FGF13: variants seen among roughly 807,000 people sequenced by gnomAD.
FGF13 encodes fibroblast growth factor 13, also known as fibroblast growth factor homologous factor 2.
A neutral mutation model predicts 19.5 loss-of-function variants in FGF13; 2 were observed. That is an observed-to-expected ratio of 0.10 (90% CI 0.04 to 0.32). The LOEUF (loss-of-function observed/expected upper bound fraction) is 0.32. Ranked by LOEUF, FGF13 falls within the 10% of genes least tolerant of loss-of-function variation. FGF13 has a pLI of 1.00. For synonymous variants in FGF13, 72 were observed against 76.9 expected, an observed-to-expected ratio of 0.94 and a Z score of 0.33; for missense variants, 113 against 192.7, an observed-to-expected ratio of 0.59 and a Z score of 2.45.
intron 1 of FGF13, among the ~76,000 whole-genome samples, chrX:139,192,311 A>G (rs776501799): frequency 9.0e-6 from 1 of 111,621 alleles, no homozygotes; most frequent in South Asian, 3.8e-4. Flanking sequence ...GAGCCTGCTC[A>G]CCAGAAAAAT....
chrX:139,035,136 A>G (rs1364967432), intron 1 of FGF13, among the ~76,000 whole-genome samples: 1 of 111,400 alleles, frequency 9.0e-6, no homozygotes, highest in Non-Finnish European at 1.9e-5. Flanking sequence ...ATATAATGAA[A>G]AATTGATTTA....
intron 1 of FGF13, among the ~76,000 whole-genome samples, chrX:138,895,712 A>G (rs1275657126): frequency 1.8e-5 from 2 of 112,330 alleles, no homozygotes; most frequent in African/African-American, 6.5e-5. Flanking sequence ...TCCCAAGTTC[A>G]TTGCAGTTTT....
chrX:138,851,341 T>C (rs2091220230), intron 3 of FGF13, among the ~76,000 whole-genome samples: 1 of 111,906 alleles, frequency 8.9e-6, no homozygotes, highest in African/African-American at 3.2e-5. Context: ...GTTGAACTAA[T>C]TTACATTCCC....
chrX:138,895,557 G>A (rs905348695), intron 1 of FGF13, among the ~76,000 whole-genome samples: 2 of 111,904 alleles, frequency 1.8e-5, no homozygotes, highest in African/African-American at 6.5e-5. Flanking sequence ...CAGTGTTAGT[G>A]GGAATGTACA....
chrX:138,780,227 C>T (rs1416815892), intron 3 of FGF13, among the ~76,000 whole-genome samples: 1 of 109,624 alleles, frequency 9.1e-6, no homozygotes, highest in Non-Finnish European at 1.9e-5. Flanking sequence ...AATGAAACGA[C>T]CATCGAGACT....
chrX:138,878,871 T>C (rs916729479), intron 1 of FGF13, among the ~76,000 whole-genome samples: 12 of 112,122 alleles, frequency 1.1e-4, no homozygotes, highest in Admixed American at 9.5e-4. Flanking sequence ...TATCTCATTG[T>C]GGTTTTTATT....
chrX:138,707,170 G>T (rs1388532329), intron 2 of FGF13, among the ~76,000 whole-genome samples: 1 of 110,927 alleles, frequency 9.0e-6, no homozygotes, highest in African/African-American at 3.3e-5. Context: ...TGCGTGTGTG[G>T]TGTGTGTGTG....
At chrX:138,832,341 A>G (rs1360149270) in intron 3 of FGF13, among the ~76,000 whole-genome samples, 2 of 111,856 alleles carry the variant, frequency 1.8e-5, no homozygotes, top group African/African-American at 3.2e-5. Flanking sequence ...TGACTTTTTA[A>G]TAATAGCCAT....
intron 1 of FGF13, chrX:138,864,709 GTCT>G (rs2091307895): frequency 8.9e-6 from 1 of 112,618 alleles, no homozygotes; most frequent in South Asian, 3.7e-4. Flanking sequence ...GAAAAGCAGA[GTCT>G]TCTTCCAGAA....
At chrX:138,996,747 C>T (rs1368261940) in intron 1 of FGF13, among the ~76,000 whole-genome samples, 1 of 112,067 alleles carries the variant, frequency 8.9e-6, no homozygotes, top group East Asian at 2.8e-4. Context: ...CCGCTGTGGG[C>T]GCAGCTTCAG....
At chrX:138,808,476 G>A (rs1389103174) in intron 3 of FGF13, among the ~76,000 whole-genome samples, 3 of 111,581 alleles carry the variant, frequency 2.7e-5, no homozygotes, top group South Asian at 7.5e-4. Context: ...CTAAATGCCC[G>A]CATAAGAAAG....
chrX:139,114,236 G>A (rs1232856305), intron 1 of FGF13, among the ~76,000 whole-genome samples: 4 of 112,032 alleles, frequency 3.6e-5, no homozygotes, highest in Non-Finnish European at 5.6e-5. Context: ...AAAGAGAACT[G>A]GTTCTGCTTC....
intron 3 of FGF13, among the ~76,000 whole-genome samples, chrX:138,783,758 G>A (rs1244204607): frequency 1.7e-3 from 181 of 107,964 alleles, no homozygotes; most frequent in African/African-American, 5.7e-3. Context: ...TCAGTGTGGC[G>A]ATTCCTCAGG....
At chrX:138,667,059 T>C (rs969346942) in intron 3 of FGF13, among the ~76,000 whole-genome samples, 36 of 108,649 alleles carry the variant, frequency 3.3e-4, no homozygotes, top group African/African-American at 1.2e-3. Context: ...TTATGTAATA[T>C]ATATGTATTT....
chrX:138,737,384 G>T (rs2090286049), intron 1 of FGF13, among the ~76,000 whole-genome samples: 1 of 111,867 alleles, frequency 8.9e-6, no homozygotes, highest in Admixed American at 9.5e-5. Flanking sequence ...CATGAACTCA[G>T]AGCCTATGCT....
intron 1 of FGF13, among the ~76,000 whole-genome samples, chrX:139,041,425 A>C (rs2092269616): frequency 9.0e-6 from 1 of 111,540 alleles, no homozygotes; most frequent in Non-Finnish European, 1.9e-5. Context: ...TATAACGTGC[A>C]TACAAAAGCA....
At chrX:138,979,403 C>CTT (rs763429908) in intron 1 of FGF13, among the ~76,000 whole-genome samples, 1 of 102,398 alleles carries the variant, frequency 9.8e-6, no homozygotes, top group African/African-American at 3.5e-5. Flanking sequence ...CAGAGATTTT[C>CTT]TTTTTTTTTT....
intron 3 of FGF13, among the ~76,000 whole-genome samples, chrX:138,799,531 A>AT (rs1182827546): frequency 9.0e-6 from 1 of 111,374 alleles, no homozygotes; most frequent in African/African-American, 3.3e-5. Context: ...AAGAATGTAT[A>AT]TTTTGTTGAT....
chrX:139,054,026 T>C (rs187383433), intron 1 of FGF13, among the ~76,000 whole-genome samples: 18 of 110,419 alleles, frequency 1.6e-4, no homozygotes, highest in Admixed American at 1.4e-3. Flanking sequence ...TTTCCACACC[T>C]TATGTTTTTG....
Sources: gnomAD v4.1 joint callset for allele counts (sites outside exome capture counted in the v4.1 genomes callset) on GRCh38, gnomAD v4.1.1 for gene constraint, MANE v1.5 for transcripts, NCBI Gene and HGNC (gene_info 2026-07-23, HGNC 2026-07-21) for gene names.